ARHGAP24: variants seen among roughly 807,000 people sequenced by gnomAD.
The protein encoded by ARHGAP24 is Rho GTPase activating protein 24.
A neutral mutation model predicts 76.4 loss-of-function variants in ARHGAP24; 50 were observed. That is an observed-to-expected ratio of 0.65 (90% CI 0.52 to 0.83). The LOEUF (loss-of-function observed/expected upper bound fraction) is 0.83. Ranked by LOEUF, ARHGAP24 falls within the 40% of genes least tolerant of loss-of-function variation. The probability of loss-of-function intolerance (pLI) is 0.00; values close to 1 mark genes in which losing one functional copy is unlikely to be tolerated. For synonymous variants in ARHGAP24, 345 were observed against 323.3 expected (o/e 1.07, Z -0.72); for missense variants, 930 against 914.2 (o/e 1.02, Z -0.22).
intron 8 of ARHGAP24, among the ~76,000 whole-genome samples, chr4:85,978,076 CTT>C (rs763884965): frequency 1.7e-4 from 26 of 152,110 alleles, no homozygotes; most frequent in African/African-American, 6.0e-4. Flanking sequence ...ATTTGACTGA[CTT>C]AGGGAAAAAT....
At chr4:85,819,212 C>T (rs1729369167) in intron 3 of ARHGAP24, among the ~76,000 whole-genome samples, 1 of 152,154 alleles carries the variant, frequency 6.6e-6, no homozygotes, top group Non-Finnish European at 1.5e-5. Flanking sequence ...TGCCTGGCAG[C>T]AAAAATCATG....
Position 85,734,636 on chromosome 4 carries a change from A to ATTTTTTTTTTTTTTT in ARHGAP24, c.268+12673_268+12687dup, listed in dbSNP as rs34647342. 2.0e-5 allele frequency among the ~76,000 whole-genome samples: 2 copies of ATTTTTTTTTTTTTTT among 101,958 alleles called. 1 individual carries two copies. The highest frequency in any genetic ancestry group is 3.8e-5 in the Non-Finnish European group (2 of 52,844). 66.9% of individuals were successfully genotyped at this position (101,958 alleles called of 152,430 possible). On this transcript the variant is annotated intron_variant, in intron 3 of 9. Transcript: ENST00000395184. ...GCAGGGGCATGACATAATTCAGGGA[A>ATTTTTTTTTTTTTTT]TTTTTTTTTTTTTTTTTTTTTTTAG...
At chr4:85,734,451 T>C (rs1725528541) in intron 3 of ARHGAP24, among the ~76,000 whole-genome samples, 1 of 152,134 alleles carries the variant, frequency 6.6e-6, no homozygotes, top group African/African-American at 2.4e-5. Flanking sequence ...TAAATACAAC[T>C]GTTATGCATC....
At chr4:85,841,207 T>C (rs1730579987) in intron 3 of ARHGAP24, among the ~76,000 whole-genome samples, 1 of 152,248 alleles carries the variant, frequency 6.6e-6, no homozygotes. Context: ...TTTCAGGTCA[T>C]ATTGTGAAGT....
chr4:85,938,354 T>C (rs1428931328), intron 4 of ARHGAP24, among the ~76,000 whole-genome samples: 6 of 152,220 alleles, frequency 3.9e-5, no homozygotes, highest in Non-Finnish European at 7.3e-5. Flanking sequence ...TCCCAGGGAA[T>C]ATTGTAAATA....
chr4:85,564,845 C>A (rs1726761230), intron 1 of ARHGAP24, among the ~76,000 whole-genome samples: 1 of 147,846 alleles, frequency 6.8e-6, no homozygotes, highest in Admixed American at 6.8e-5. Context: ...TGTGTGGCCC[C>A]GTTCCTAACT....
At chr4:85,791,557 C>T (rs1728128583) in intron 3 of ARHGAP24, among the ~76,000 whole-genome samples, 7 of 152,166 alleles carry the variant, frequency 4.6e-5, no homozygotes, top group Admixed American at 4.6e-4. Flanking sequence ...AGATAACTTG[C>T]TTTGACCAAT....
chr4:85,752,466 T>G (rs1163614266), intron 3 of ARHGAP24, among the ~76,000 whole-genome samples: 1 of 2,724 alleles, frequency 3.7e-4, no homozygotes, highest in Non-Finnish European at 8.1e-3. Flanking sequence ...TCTTGTTACA[T>G]TAAAAAAAAA....
At chr4:85,827,824 C>A in intron 3 of ARHGAP24, 2 of 970,176 alleles carry the variant, frequency 2.1e-6, no homozygotes, top group Non-Finnish European at 2.8e-6. Flanking sequence ...GTGATGGAGT[C>A]ATGGGAGAAA....
At chr4:85,955,170 G>A (rs528992424) in intron 5 of ARHGAP24, among the ~76,000 whole-genome samples, 7 of 152,104 alleles carry the variant, frequency 4.6e-5, no homozygotes, top group Admixed American at 1.3e-4. Flanking sequence ...TCCCTTTTCT[G>A]TTTTAAAATC....
At chr4:85,633,792 C>T (rs77606567) in intron 2 of ARHGAP24, among the ~76,000 whole-genome samples, 2,106 of 151,918 alleles carry the variant, frequency 0.014, 27 homozygotes, top group Non-Finnish European at 0.022. Flanking sequence ...TGAAATATTT[C>T]GGGAGCCTGA....
intron 3 of ARHGAP24, among the ~76,000 whole-genome samples, chr4:85,731,026 A>G (rs1725382884): frequency 1.3e-5 from 1 of 74,472 alleles, no homozygotes; most frequent in Non-Finnish European, 2.5e-5. Flanking sequence ...ACACACACAC[A>G]CAGAGAGAGA....
At chr4:85,755,600 G>A (rs1432165648) in intron 3 of ARHGAP24, among the ~76,000 whole-genome samples, 2 of 132,370 alleles carry the variant, frequency 1.5e-5, no homozygotes, top group East Asian at 4.3e-4. Flanking sequence ...AGGGAATCTT[G>A]TTCTATGGGA....
chr4:85,640,781 T>C (rs976244012), intron 2 of ARHGAP24, among the ~76,000 whole-genome samples: 3 of 152,190 alleles, frequency 2.0e-5, no homozygotes, highest in Non-Finnish European at 4.4e-5. Flanking sequence ...CATTTATGGC[T>C]TTGCATTTGC....
At chr4:85,837,708 C>T (rs1348192222) in intron 3 of ARHGAP24, among the ~76,000 whole-genome samples, 1 of 152,156 alleles carries the variant, frequency 6.6e-6, no homozygotes, top group Non-Finnish European at 1.5e-5. Context: ...GAGGAGCCCA[C>T]TCCCCTAAAC....
At chr4:85,851,843 T>G (rs1187892117) in intron 3 of ARHGAP24, among the ~76,000 whole-genome samples, 9 of 152,238 alleles carry the variant, frequency 5.9e-5, no homozygotes, top group Admixed American at 5.9e-4. Flanking sequence ...GGCTTCCCTT[T>G]GTGGGTATCC....
At chr4:85,967,359 G>A (rs532676334) in intron 5 of ARHGAP24, among the ~76,000 whole-genome samples, 1 of 152,158 alleles carries the variant, frequency 6.6e-6, no homozygotes, top group Admixed American at 6.6e-5. Context: ...TTTAGCATGA[G>A]GCTGTGCACA....
intron 3 of ARHGAP24, among the ~76,000 whole-genome samples, chr4:85,727,812 G>A (rs1725226066): frequency 6.6e-6 from 1 of 152,088 alleles, no homozygotes; most frequent in South Asian, 2.1e-4. Flanking sequence ...ACCCTAAAAG[G>A]CCCATCTGAC....
rs536276121 is a variant in ARHGAP24, at chr4:85,611,653, A to C, written c.180+40932A>C. On this transcript the variant is annotated intron_variant, in intron 2 of 9. Coordinates refer to ENST00000395184, the MANE Select transcript of ARHGAP24 (RefSeq NM_001025616.3). Reference sequence around the variant, plus strand: ...CACTTCCCCTCTGTCCATGAACCCGATCCCTTCCTTTCATGAGGCAAATGA... The same window carrying C: ...CACTTCCCCTCTGTCCATGAACCCGCTCCCTTCCTTTCATGAGGCAAATGA... 9.2e-5 allele frequency among the ~76,000 whole-genome samples: 14 copies of C among 152,282 alleles called. No homozygotes were observed. The South Asian group carries it at 2.9e-3, about 32-fold the overall frequency.
Sources: gnomAD v4.1 joint callset for allele counts (sites outside exome capture counted in the v4.1 genomes callset) on GRCh38, gnomAD v4.1.1 for gene constraint, MANE v1.5 for transcripts, NCBI Gene and HGNC (gene_info 2026-07-23, HGNC 2026-07-21) for gene names.